The following AGTPBP1 variants were observed in gnomAD, a reference collection of about 807,000 sequenced individuals.
AGTPBP1 encodes the protein ATP/GTP binding carboxypeptidase 1.
AGTPBP1 carries 70 observed loss-of-function variants against 143.9 expected under a neutral mutation model. The ratio of observed to expected loss-of-function variants is 0.49; its 90% CI spans 0.40 to 0.59. AGTPBP1 has a LOEUF of 0.59. Among genes scored for constraint, AGTPBP1 ranks in the 20% least tolerant of loss-of-function variants. The pLI is 0.00. For synonymous variants in AGTPBP1, 463 were observed against 500.2 expected (o/e 0.93, Z 0.99); for missense variants, 1,229 against 1,464.5 (o/e 0.84, Z 2.62).
intron 2 of AGTPBP1, among the ~76,000 whole-genome samples, chr9:85,697,724 T>C (rs947081269): frequency 6.6e-6 from 1 of 152,154 alleles, no homozygotes; most frequent in African/African-American, 2.4e-5. Flanking sequence ...AGTGCTAGGA[T>C]TACAGGCGTG....
At chr9:85,580,011 G>A (rs1828149624) in intron 23 of AGTPBP1, among the ~76,000 whole-genome samples, 1 of 151,916 alleles carries the variant, frequency 6.6e-6, no homozygotes, top group African/African-American at 2.4e-5. Context: ...TCTGAGGCAG[G>A]TGGATCATGA....
chr9:85,586,657 C>G (rs564056609), intron 22 of AGTPBP1, among the ~76,000 whole-genome samples, 174 bp downstream of exon 22: 2 of 151,758 alleles, frequency 1.3e-5, no homozygotes, highest in Non-Finnish European at 2.9e-5. Context: ...ATATTCATAA[C>G]GAAAAAGGAA....
intron 13 of AGTPBP1, among the ~76,000 whole-genome samples, chr9:85,634,185 C>A (rs1831875856): frequency 8.7e-6 from 1 of 114,672 alleles, no homozygotes; most frequent in African/African-American, 3.7e-5. Context: ...CAAAGTGAGA[C>A]TCTCTCTCAA....
intron 17 of AGTPBP1, among the ~76,000 whole-genome samples, chr9:85,604,369 G>A (rs1829864119): frequency 1.3e-5 from 2 of 152,338 alleles, no homozygotes; most frequent in East Asian, 3.9e-4. Flanking sequence ...GGCCACAAAG[G>A]TGGTATCTCT....
intron 17 of AGTPBP1, among the ~76,000 whole-genome samples, chr9:85,617,893 C>T (rs180766119): frequency 6.6e-6 from 1 of 152,120 alleles, no homozygotes; most frequent in Admixed American, 6.5e-5. Flanking sequence ...CAAACTACCA[C>T]AACTCACTCA....
At chr9:85,796,639 G>A in the AGTPBP1 span, among the ~76,000 whole-genome samples, 90 of 151,982 alleles carry the variant, frequency 5.9e-4, no homozygotes, top group African/African-American at 2.1e-3. Flanking sequence ...AATGCACAGT[G>A]AATGTTCAAA....
the AGTPBP1 span, among the ~76,000 whole-genome samples, chr9:85,782,655 A>G: frequency 2.6e-4 from 39 of 152,352 alleles, no homozygotes; most frequent in Non-Finnish European, 4.4e-4. Flanking sequence ...CACTTAGAGA[A>G]GGCAAGTGAC....
At chr9:85,578,847 A>T (rs1828057555) in intron 24 of AGTPBP1, 73 bp downstream of exon 24, 2 of 1,470,762 alleles carry the variant, frequency 1.4e-6, no homozygotes, top group Non-Finnish European at 1.9e-6. Flanking sequence ...ATATATACTT[A>T]AAAACCACAA....
At chr9:85,649,745 A>T (rs1033416344) in intron 11 of AGTPBP1, among the ~76,000 whole-genome samples, 1 of 152,124 alleles carries the variant, frequency 6.6e-6, no homozygotes, top group African/African-American at 2.4e-5. Context: ...CTACACTGAT[A>T]TGATTTTTAT....
chr9:85,671,274 T>C (rs908602833), intron 7 of AGTPBP1, among the ~76,000 whole-genome samples: 1 of 152,202 alleles, frequency 6.6e-6, no homozygotes, highest in Non-Finnish European at 1.5e-5. Context: ...TACAGTTTTA[T>C]TTTTTAAATC....
At chr9:85,714,521 C>A in intron 1 of AGTPBP1, among the ~76,000 whole-genome samples, 1 of 152,166 alleles carries the variant, frequency 6.6e-6, no homozygotes, top group East Asian at 1.9e-4. Context: ...AGGAGTAAAT[C>A]TGCCTGCAGC....
the AGTPBP1 span, among the ~76,000 whole-genome samples, chr9:85,787,316 C>T: frequency 4.6e-5 from 7 of 151,854 alleles, no homozygotes; most frequent in African/African-American, 9.7e-5. Context: ...CCATGGAACA[C>T]GGAAATTATA....
At chr9:85,585,439 T>G (rs773818175) in intron 23 of AGTPBP1, 24 bp downstream of exon 23, 1 of 1,543,776 alleles carries the variant, frequency 6.5e-7, no homozygotes, top group South Asian at 1.3e-5. Flanking sequence ...ATTCAAAAAC[T>G]TATGAATCAT....
In AGTPBP1 at chr9:85,741,952, C is replaced by A. The variant is rs1824343495; in HGVS notation, c.-211G>T. ...GGCGGCGGCGCTGGAGGCGGCGGAACCTGTCCGCATCCCGGGCAACGTCAG... is the reference window on the plus strand; with the variant it reads ...GGCGGCGGCGCTGGAGGCGGCGGAAACTGTCCGCATCCCGGGCAACGTCAG... On this transcript the variant is annotated 5_prime_UTR_variant, in exon 1 of 26. Coordinates refer to ENST00000357081, the MANE Select transcript of AGTPBP1 (RefSeq NM_001330701.2). 7.8e-7 allele frequency: 1 copy of A among 1,277,224 alleles called. No individual in the cohort carries two copies. The highest frequency in any genetic ancestry group is 9.9e-7 in the Non-Finnish European group (1 of 1,015,102). 79.1% of individuals were successfully genotyped at this position (1,277,224 alleles called of 1,614,324 possible).
At chr9:85,622,974 G>T (rs1831036895) in intron 14 of AGTPBP1, among the ~76,000 whole-genome samples, 1 of 152,102 alleles carries the variant, frequency 6.6e-6, no homozygotes, top group Non-Finnish European at 1.5e-5. Flanking sequence ...ACAAAGGTTT[G>T]GTTTTTGTTT....
chr9:85,738,964 A>C (rs1342361379), intron 1 of AGTPBP1, among the ~76,000 whole-genome samples: 1 of 152,176 alleles, frequency 6.6e-6, no homozygotes, highest in African/African-American at 2.4e-5. Context: ...CTGTGGGCTA[A>C]GCACTTTACT....
At chr9:85,569,513 C>G (rs1827325416) in intron 25 of AGTPBP1, among the ~76,000 whole-genome samples, 1 of 152,164 alleles carries the variant, frequency 6.6e-6, no homozygotes, top group African/African-American at 2.4e-5. Flanking sequence ...TACTAATGAT[C>G]TGATCTGAAA....
chr9:85,801,111 T>A, the AGTPBP1 span, among the ~76,000 whole-genome samples: 2 of 151,974 alleles, frequency 1.3e-5, no homozygotes, highest in Non-Finnish European at 2.9e-5. Context: ...CAGGAGTTCG[T>A]AACTAGCCTG....
In AGTPBP1 at chr9:85,713,617, A is replaced by G. The variant is rs376736356; in HGVS notation, c.-33-1051T>C. 2.0e-4 allele frequency among the ~76,000 whole-genome samples: 30 copies of G among 152,348 alleles called. No individual in the cohort carries two copies. The East Asian group carries it at 5.2e-3, about 26-fold the overall frequency. On this transcript the variant is annotated intron_variant, in intron 1 of 25. Transcript: ENST00000357081. ...GTAATGTCATATTTAAAGAGACAAC[A>G]AACACACAAAAAGGGCAAACTTCAA...
Sources: gnomAD v4.1 joint callset for allele counts (sites outside exome capture counted in the v4.1 genomes callset) on GRCh38, gnomAD v4.1.1 for gene constraint, MANE v1.5 for transcripts, NCBI Gene and HGNC (gene_info 2026-07-23, HGNC 2026-07-21) for gene names.